The following GPATCH2L variants were observed in gnomAD, a reference collection of about 807,000 sequenced individuals.
The protein encoded by GPATCH2L is G patch domain-containing protein 2-like.
A neutral mutation model predicts 57.4 loss-of-function variants in GPATCH2L; 31 were observed. The observed-to-expected ratio is 0.54, with a 90% CI of 0.41 to 0.73. The LOEUF (loss-of-function observed/expected upper bound fraction) is 0.73. Among genes scored for constraint, GPATCH2L ranks in the 30% least tolerant of loss-of-function variants. The probability of loss-of-function intolerance (pLI) is 0.00; values close to 1 mark genes in which losing one functional copy is unlikely to be tolerated. For synonymous variants in GPATCH2L, 199 were observed against 210.7 expected (o/e 0.94, Z 0.48); for missense variants, 481 against 599.9 (o/e 0.80, Z 2.07).
intron 2 of GPATCH2L, 133 bp from the exon 3 acceptor site, chr14:76,166,530 T>C (rs1215968569): frequency 3.7e-6 from 2 of 545,870 alleles, no homozygotes; most frequent in Non-Finnish European, 6.8e-6. Context: ...TGTAGCTTCC[T>C]GATGAAATTT....
At chr14:76,184,567 CAAAT>C (rs768238211) in intron 8 of GPATCH2L, among the ~76,000 whole-genome samples, 17 of 152,200 alleles carry the variant, frequency 1.1e-4, no homozygotes, top group Admixed American at 9.2e-4. Flanking sequence ...TTGCTATAAA[CAAAT>C]AAATAATTGG....
In GPATCH2L at chr14:76,202,288, C is replaced by T. The variant is rs1158720113; in HGVS notation, c.*437C>T. ...ACAAATTTAAATATTGAGTTGAGAC[C>T]TGTATGGAATTGTGTTCGCAGGAGA... On this transcript the variant is annotated 3_prime_UTR_variant, in exon 10 of 10. Transcript: ENST00000261530. 6.5e-6 allele frequency: 1 copy of T among 154,990 alleles called. No individual in the cohort carries two copies. Among genetic ancestry groups the T allele is most frequent in the African/African-American group, 2.4e-5 (1 of 41,444 alleles). 9.6% of individuals were successfully genotyped at this position (154,990 alleles called of 1,614,324 possible).
downstream of GPATCH2L, among the ~76,000 whole-genome samples, chr14:76,217,945 A>G (rs1238615186): frequency 1.3e-5 from 2 of 152,068 alleles, no homozygotes; most frequent in Non-Finnish European, 2.9e-5. Flanking sequence ...CTAAGAAGTA[A>G]TGGTGCCAGG....
chr14:76,164,097 C>T (rs562165599), intron 2 of GPATCH2L, among the ~76,000 whole-genome samples: 10 of 152,244 alleles, frequency 6.6e-5, no homozygotes, highest in African/African-American at 2.2e-4. Flanking sequence ...TCATTTGAGG[C>T]CCTGGCCCAG....
intron 1 of GPATCH2L, among the ~76,000 whole-genome samples, chr14:76,226,882 G>A (rs1442892338): frequency 6.6e-6 from 1 of 152,182 alleles, no homozygotes; most frequent in African/African-American, 2.4e-5. Flanking sequence ...TGTACACGGA[G>A]CTGTACACTT....
chr14:76,234,921 C>A (rs1209181171), intron 2 of GPATCH2L: 3 of 152,328 alleles, frequency 2.0e-5, no homozygotes, highest in African/African-American at 7.2e-5. Flanking sequence ...GTAATCCCAG[C>A]ACTTTGGGAG....
intron 2 of GPATCH2L, among the ~76,000 whole-genome samples, chr14:76,231,831 T>G (rs531292385): frequency 6.6e-6 from 1 of 152,258 alleles, no homozygotes; most frequent in Non-Finnish European, 1.5e-5. Context: ...ATTCTACATG[T>G]ATATAGTAAT....
chr14:76,153,535 C>T (rs941534808), intron 1 of GPATCH2L: 1 of 152,186 alleles, frequency 6.6e-6, no homozygotes, highest in African/African-American at 2.4e-5. Flanking sequence ...CTATTGTATC[C>T]TAGTTTTCTG....
At chr14:76,227,725 A>G (rs2040542129) in intron 1 of GPATCH2L, among the ~76,000 whole-genome samples, 1 of 22,500 alleles carries the variant, frequency 4.4e-5, no homozygotes. Flanking sequence ...TACTACTTAC[A>G]AGAACTCCAT....
intron 6 of GPATCH2L, 81 bp downstream of exon 6, chr14:76,176,771 G>T: frequency 1.2e-6 from 1 of 867,654 alleles, no homozygotes. Flanking sequence ...GAGCAACTTA[G>T]AAATCAGGCT....
Position 76,202,714 on chromosome 14 carries a change from A to G in GPATCH2L, c.*863A>G, listed in dbSNP as rs887791640. 4 of 152,764 alleles carry G rather than the reference A, an allele frequency of 2.6e-5. No individual in the cohort carries two copies. In the East Asian group the frequency reaches 7.7e-4, roughly 29 times the overall value. 9.5% of individuals were successfully genotyped at this position (152,764 alleles called of 1,614,324 possible). On this transcript the variant is annotated 3_prime_UTR_variant, in exon 10 of 10. Transcript: ENST00000261530. ...TATAGGCTAATAACCTGCAGCAGAAATTCATACTCTATTATAATAATGGCT... is the reference window on the plus strand; with the variant it reads ...TATAGGCTAATAACCTGCAGCAGAAGTTCATACTCTATTATAATAATGGCT...
intron 1 of GPATCH2L, among the ~76,000 whole-genome samples, chr14:76,222,945 G>C (rs1250887517): frequency 7.2e-6 from 1 of 138,132 alleles, no homozygotes; most frequent in Non-Finnish European, 1.5e-5. Flanking sequence ...AACAGAGTGA[G>C]ACTGTGTTCA....
chr14:76,160,285 G>C (rs1471999570), intron 2 of GPATCH2L, among the ~76,000 whole-genome samples: 1 of 152,218 alleles, frequency 6.6e-6, no homozygotes, highest in African/African-American at 2.4e-5. Flanking sequence ...GTAGAGAAAG[G>C]ATGCAGGGGC....
Position 76,221,235 on chromosome 14 carries a change from A to T in GPATCH2L, c.66-8573A>T, listed in dbSNP as rs186831587. 6.6e-5 allele frequency among the ~76,000 whole-genome samples: 10 copies of T among 152,288 alleles called. No homozygotes were observed. The East Asian group carries it at 1.7e-3, about 26-fold the overall frequency. On this transcript the variant is annotated intron_variant and NMD_transcript_variant, in intron 1 of 3. Transcript: ENST00000556372. ...CTGAACAGACACCTCACCAAAGAAG[A>T]TATACAGATGGAAAATAAGCATATG...
At position 76,201,697 on chromosome 14, in the gene GPATCH2L, T is replaced by C. The variant is rs776397451; in HGVS notation, c.1295T>C (p.Met432Thr). 3 of 1,609,936 alleles carry C rather than the reference T, an allele frequency of 1.9e-6. No homozygotes were observed. The East Asian group carries it at 6.7e-5, about 36-fold the overall frequency. Residue 432 changes from methionine (M) to threonine (T), a missense_variant, in exon 10 of 10, where the codon ATG (methionine) becomes ACG (threonine). Met to Thr is a moderately conservative substitution (Grantham distance 81). Coordinates refer to ENST00000261530, the MANE Select transcript of GPATCH2L (RefSeq NM_017926.4). ...ASLSSPSAVHMDAVEPTTPAS... is the reference protein window; with the variant it reads ...ASLSSPSAVHTDAVEPTTPAS... ...TCTGTTGTAACCTTACTAGTTCACA[T>C]GGATGCAGTGGAGCCAACCACACCA...
chr14:76,176,586 T>C lies in GPATCH2L; in HGVS notation c.985-37T>C, dbSNP rs749594146. The C allele has an allele frequency of 2.9e-6, 4 of 1,382,144 alleles. No homozygotes were observed. In the African/African-American group the frequency reaches 4.3e-5, roughly 15 times the overall value. 85.6% of individuals were successfully genotyped at this position (1,382,144 alleles called of 1,614,324 possible). A position where few individuals can be genotyped will look rare whatever the true frequency, so the allele number is the denominator to read the frequency against. On this transcript the variant is annotated intron_variant, in intron 5 of 9. Transcript: ENST00000261530. ...ATTGTACTTTATATGTTTGTTTCTGTGGTTGGATGATACTCTTGTCTGCCT... is the reference window on the plus strand; with the variant it reads ...ATTGTACTTTATATGTTTGTTTCTGCGGTTGGATGATACTCTTGTCTGCCT...
At chr14:76,180,481 A>G (rs1023830298) in intron 7 of GPATCH2L, among the ~76,000 whole-genome samples, 12 of 152,252 alleles carry the variant, frequency 7.9e-5, no homozygotes, top group Non-Finnish European at 2.9e-5. Flanking sequence ...TATCATGTGG[A>G]AAAAACTGTC....
rs1321670423 is a variant in GPATCH2L, at chr14:76,209,694, T to C, written c.*7843T>C. ...CAAGCCTTTTTGGCCTTGAACTTCATGTTGATTTTTATCAAAGAACTTTTT... is the reference window on the plus strand; with the variant it reads ...CAAGCCTTTTTGGCCTTGAACTTCACGTTGATTTTTATCAAAGAACTTTTT... On this transcript the variant is annotated 3_prime_UTR_variant, in exon 10 of 10. Transcript: ENST00000261530. 1.3e-5 allele frequency: 2 copies of C among 152,248 alleles called. No individual in the cohort carries two copies. The highest frequency in any genetic ancestry group is 4.8e-5 in the African/African-American group (2 of 41,450). 9.4% of individuals were successfully genotyped at this position (152,248 alleles called of 1,614,324 possible). A position where few individuals can be genotyped will look rare whatever the true frequency, so the allele number is the denominator to read the frequency against.
chr14:76,228,374 CAAAG>C (rs747575396), intron 1 of GPATCH2L, among the ~76,000 whole-genome samples: 7 of 152,154 alleles, frequency 4.6e-5, no homozygotes, highest in South Asian at 2.1e-4. Context: ...TGTGTGTACA[CAAAG>C]AAAGAGGTTG....
Sources: gnomAD v4.1 joint callset for allele counts (sites outside exome capture counted in the v4.1 genomes callset) on GRCh38, gnomAD v4.1.1 for gene constraint, MANE v1.5 for transcripts, NCBI Gene and HGNC (gene_info 2026-07-23, HGNC 2026-07-21) for gene names.